Variants in EPHA6 observed in about 807,000 individuals in gnomAD.
EPHA6 encodes EPH receptor A6, also known as ephrin type-A receptor 6.
A neutral mutation model predicts 112.0 loss-of-function variants in EPHA6; 50 were observed. The ratio of observed to expected loss-of-function variants is 0.45; its 90% confidence interval spans 0.36 to 0.56. The LOEUF (loss-of-function observed/expected upper bound fraction) is 0.56. Among genes scored for constraint, EPHA6 ranks in the 20% least tolerant of loss-of-function variants. EPHA6 has a pLI of 0.00. For missense variants in EPHA6, 1,280 were observed against 1,417.4 expected, an observed-to-expected ratio of 0.90 and a Z score of 1.56; for synonymous variants, 529 against 490.7, an observed-to-expected ratio of 1.08 and a Z score of -1.03.
chr3:96,819,825 T>C (rs1339919070), intron 1 of EPHA6, among the ~76,000 whole-genome samples: 1 of 152,110 alleles, frequency 6.6e-6, no homozygotes, highest in Non-Finnish European at 1.5e-5. Context: ...AAAATTTGGA[T>C]TATGGATTTA....
At chr3:97,006,259 G>T (rs542216034) in intron 3 of EPHA6, among the ~76,000 whole-genome samples, 30 of 152,126 alleles carry the variant, frequency 2.0e-4, no homozygotes, top group African/African-American at 6.7e-4. Flanking sequence ...GGCTTTTTTT[G>T]GTTGGTAGGC....
intron 11 of EPHA6, among the ~76,000 whole-genome samples, chr3:97,560,993 A>T (rs187611960): frequency 2.4e-4 from 36 of 152,102 alleles, no homozygotes; most frequent in Non-Finnish European, 4.7e-4. Flanking sequence ...TGTTACTATT[A>T]TAACAGTTTT....
intron 3 of EPHA6, among the ~76,000 whole-genome samples, chr3:97,168,935 A>G (rs539668077): frequency 2.0e-5 from 3 of 152,286 alleles, no homozygotes; most frequent in South Asian, 4.1e-4. Context: ...AAAGACAGGA[A>G]GATGAGGAAA....
At chr3:97,584,154 A>C (rs1186634962) in intron 11 of EPHA6, among the ~76,000 whole-genome samples, 3 of 152,178 alleles carry the variant, frequency 2.0e-5, no homozygotes, top group Non-Finnish European at 4.4e-5. Context: ...CTGTTATTTT[A>C]CAAAGTCAAA....
chr3:97,640,457 G>C (rs1441965274), intron 14 of EPHA6, among the ~76,000 whole-genome samples: 3 of 152,170 alleles, frequency 2.0e-5, no homozygotes, highest in Non-Finnish European at 2.9e-5. Context: ...AACAAACATA[G>C]ACGCATGTCT....
chr3:97,543,825 G>T (rs1379291154), intron 11 of EPHA6, among the ~76,000 whole-genome samples: 1 of 152,024 alleles, frequency 6.6e-6, no homozygotes, highest in African/African-American at 2.4e-5. Context: ...CTTGTGAGTT[G>T]GATTCCTAGG....
At chr3:97,032,252 A>C (rs899312978) in intron 3 of EPHA6, among the ~76,000 whole-genome samples, 26 of 152,210 alleles carry the variant, frequency 1.7e-4, no homozygotes, top group Middle Eastern at 3.4e-3. Flanking sequence ...AACAATGAGA[A>C]CAACTTGGAC....
intron 14 of EPHA6, among the ~76,000 whole-genome samples, chr3:97,670,876 C>CTAT (rs946371502): frequency 2.0e-5 from 3 of 152,230 alleles, no homozygotes; most frequent in Admixed American, 6.5e-5. Flanking sequence ...TAGACTGCTG[C>CTAT]TATTATCTGT....
intron 2 of EPHA6, among the ~76,000 whole-genome samples, chr3:96,889,442 A>G (rs1265240523): frequency 6.6e-6 from 1 of 152,210 alleles, no homozygotes. Context: ...CCTCACAGTC[A>G]GGGCGGAACG....
chr3:96,859,122 C>CTCAT (rs113271324), intron 1 of EPHA6, among the ~76,000 whole-genome samples: 143,600 of 151,372 alleles, frequency 0.95, 68,145 homozygotes, highest in East Asian at 1. Flanking sequence ...TTTTGATTAC[C>CTCAT]TCATTCATTC....
chr3:96,862,179 G>T (rs1250514831), intron 1 of EPHA6, among the ~76,000 whole-genome samples: 2 of 151,902 alleles, frequency 1.3e-5, no homozygotes, highest in Non-Finnish European at 2.9e-5. Context: ...ATAATTCGAA[G>T]TATTCTCTGA....
chr3:97,226,560 T>G, intron 4 of EPHA6, 141 bp downstream of exon 4: 1 of 750,146 alleles, frequency 1.3e-6, no homozygotes, highest in East Asian at 2.6e-5. Context: ...GGAAAAAGCT[T>G]CTCTCTCTTC....
At chr3:97,624,033 C>CA (rs150221639) in intron 13 of EPHA6, among the ~76,000 whole-genome samples, 25 of 145,692 alleles carry the variant, frequency 1.7e-4, no homozygotes, top group East Asian at 1.2e-3. Flanking sequence ...GTGTTTCTGC[C>CA]AAAAAAAAAA....
At chr3:97,615,425 T>A (rs2093757366) in intron 13 of EPHA6, among the ~76,000 whole-genome samples, 1 of 151,996 alleles carries the variant, frequency 6.6e-6, no homozygotes, top group South Asian at 2.1e-4. Flanking sequence ...TGGACCTCCA[T>A]ACATAGCCCT....
At position 97,624,515 on chromosome 3, in the gene EPHA6, G is replaced by A. The variant is rs568351506; in HGVS notation, c.2575-13358G>A. The stretch of plus-strand genomic sequence containing the variant: ...GATATTGGTCTATAGTAATGTGGGG[G>A]TTTTTTGTAGTGTCTTTGTCTGGCT... On this transcript the variant is annotated intron_variant, in intron 13 of 17. Transcript: ENST00000389672. Among the ~76,000 whole-genome samples the A allele has an allele frequency of 4.0e-5, 6 of 151,598 alleles. No individual in the cohort carries two copies. The East Asian group carries it at 7.8e-4, about 20-fold the overall frequency.
At position 97,002,759 on chromosome 3, in the gene EPHA6, G is replaced by A. The variant is rs1474242856; in HGVS notation, c.1114+14766G>A. On this transcript the variant is annotated intron_variant, in intron 3 of 17. Transcript: ENST00000389672. ...TTGCTACTTTGAATTCAGCAAAAAC[G>A]GTGCTCATTTTTGTATAAAATAACA... Among the ~76,000 whole-genome samples, 5 of 151,866 alleles carry A rather than the reference G, an allele frequency of 3.3e-5. No homozygotes were observed. The South Asian group carries it at 6.2e-4, about 19-fold the overall frequency.
chr3:97,053,513 G>A (rs751737961), intron 3 of EPHA6, among the ~76,000 whole-genome samples: 3 of 151,998 alleles, frequency 2.0e-5, no homozygotes, highest in Admixed American at 6.6e-5. Context: ...AGAATCAAGC[G>A]ATCTTTAAAT....
intron 1 of EPHA6, among the ~76,000 whole-genome samples, chr3:96,821,480 A>G (rs1040426127): frequency 1.3e-5 from 2 of 151,886 alleles, no homozygotes; most frequent in African/African-American, 4.8e-5. Flanking sequence ...GTTTTCAATT[A>G]TAAATTCTCT....
intron 3 of EPHA6, among the ~76,000 whole-genome samples, chr3:97,098,759 A>G (rs998253226): frequency 4.0e-5 from 6 of 151,836 alleles, no homozygotes; most frequent in Non-Finnish European, 8.8e-5. Flanking sequence ...TTATAACACT[A>G]CAATCCACTA....
Sources: allele counts gnomAD v4.1 joint callset (sites outside exome capture counted in the v4.1 genomes callset), GRCh38; gene constraint gnomAD v4.1.1; transcripts MANE v1.5; gene names NCBI Gene and HGNC (gene_info 2026-07-23, HGNC 2026-07-21).